GARIN5B: variants seen among roughly 807,000 people sequenced by gnomAD.
The protein encoded by GARIN5B is Golgi-associated RAB2 interactor protein 5B.
At chr19:55,361,511 C>G in the GARIN5B span, 1 of 1,392,006 alleles carries the variant, frequency 7.2e-7, no homozygotes, top group Non-Finnish European at 9.5e-7. Flanking sequence ...GCCTAGGCCC[C>G]CTCCTGCTCC....
chr19:55,357,921 G>T, the GARIN5B span, among the ~76,000 whole-genome samples: 1 of 152,140 alleles, frequency 6.6e-6, no homozygotes, highest in African/African-American at 2.4e-5. Flanking sequence ...GGGCGTGGTG[G>T]CACACGCCTG....
the GARIN5B span, among the ~76,000 whole-genome samples, chr19:55,356,909 G>A: frequency 6.6e-6 from 1 of 152,034 alleles, no homozygotes; most frequent in Admixed American, 6.6e-5. Context: ...AAATCAGCCG[G>A]GCGTGGTGGT....
the GARIN5B span, chr19:55,359,384 A>C: frequency 2.0e-4 from 304 of 1,549,294 alleles, 2 homozygotes; most frequent in Middle Eastern, 2.4e-3. Flanking sequence ...TGGGGCAGGT[A>C]CGGCTGAGGC....
At chr19:55,361,569 GC>G in the GARIN5B span, 5 of 830,508 alleles carry the variant, frequency 6.0e-6, no homozygotes, top group Non-Finnish European at 8.8e-6. Flanking sequence ...AGGAGTCCAG[GC>G]CCCCAGCCGC....
At chr19:55,359,413 C>T in the GARIN5B span, 18 of 1,547,138 alleles carry the variant, frequency 1.2e-5, no homozygotes, top group East Asian at 9.8e-5. Flanking sequence ...GAGAAGCTGA[C>T]GCAGCTGAGG....
the GARIN5B span, chr19:55,362,897 G>A: frequency 6.7e-7 from 1 of 1,489,848 alleles, no homozygotes; most frequent in Non-Finnish European, 8.9e-7. Flanking sequence ...CTCAGCCCCG[G>A]GGCACTGGGA....
the GARIN5B span, among the ~76,000 whole-genome samples, chr19:55,357,940 G>T: frequency 9.2e-5 from 14 of 151,980 alleles, no homozygotes; most frequent in African/African-American, 3.4e-4. Context: ...TGTAATCCCA[G>T]CTACTCAGGA....
chr19:55,361,010 C>A, the GARIN5B span: 1 of 1,550,982 alleles, frequency 6.4e-7, no homozygotes, highest in South Asian at 1.2e-5. Context: ...TTCTTTTCTG[C>A]AGGTTTCTTC....
At chr19:55,361,505 A>G in the GARIN5B span, 1 of 1,418,102 alleles carries the variant, frequency 7.1e-7, no homozygotes, top group Middle Eastern at 2.2e-4. Context: ...CGAGAGGCCT[A>G]GGCCCCCTCC....
the GARIN5B span, chr19:55,362,672 C>CGCCCA: frequency 6.5e-7 from 1 of 1,545,748 alleles, no homozygotes. Context: ...GAGGCGGCCA[C>CGCCCA]GCCCATGGCC....
the GARIN5B span, chr19:55,360,582 A>T: frequency 3.1e-6 from 4 of 1,274,692 alleles, no homozygotes; most frequent in South Asian, 6.3e-5. Flanking sequence ...CCTCCCTCAG[A>T]CCCAGGAGTC....
the GARIN5B span, chr19:55,363,173 G>T: frequency 8.3e-7 from 1 of 1,211,664 alleles, no homozygotes; most frequent in South Asian, 1.9e-5. This position sits in a 1 kb window ranked among gnomAD's most constrained non-coding sequence, Gnocchi z 4.0. Flanking sequence ...CGGGTGCCTG[G>T]AGCTCAGCGT....
At chr19:55,362,114 C>A in the GARIN5B span, 1 of 1,267,356 alleles carries the variant, frequency 7.9e-7, no homozygotes, top group South Asian at 1.7e-5. Context: ...AGGCCCCCAG[C>A]CCCTCCTCCC....
the GARIN5B span, chr19:55,359,748 G>A: frequency 1.3e-6 from 2 of 1,551,336 alleles, no homozygotes; most frequent in South Asian, 1.2e-5. Context: ...GAAGAGTAGG[G>A]TGTGGAGAGG....
At chr19:55,358,646 C>T in the GARIN5B span, 35 of 1,551,288 alleles carry the variant, frequency 2.3e-5, no homozygotes, top group Admixed American at 2.0e-4. Context: ...CTGGCCGGGG[C>T]GGGAGGGCAC....
the GARIN5B span, chr19:55,360,103 T>G: frequency 1.5e-6 from 1 of 653,794 alleles, no homozygotes; most frequent in Non-Finnish European, 2.5e-6. Flanking sequence ...CCCTCCTCCC[T>G]CAGACTCAGG....
chr19:55,360,889 G>A, the GARIN5B span: 42 of 1,544,146 alleles, frequency 2.7e-5, no homozygotes, highest in Middle Eastern at 1.7e-4. Flanking sequence ...CTGTCGGGGC[G>A]GGGGTCTGAG....
the GARIN5B span, chr19:55,362,952 G>A: frequency 1.7e-5 from 26 of 1,503,818 alleles, no homozygotes; most frequent in East Asian, 1.7e-4. Context: ...GGCAGCGGAC[G>A]GAGGGGCAGG....
chr19:55,358,796 A>G, the GARIN5B span: 1 of 1,549,260 alleles, frequency 6.5e-7, no homozygotes, highest in Non-Finnish European at 8.7e-7. Context: ...TTCCACAGAG[A>G]AGGGCCTGCT....
Sources: allele counts gnomAD v4.1 joint callset (sites outside exome capture counted in the v4.1 genomes callset), GRCh38; gene constraint gnomAD v4.1.1; non-coding constraint Gnocchi (gnomAD v3.1); transcripts MANE v1.5; gene names NCBI Gene and HGNC (gene_info 2026-07-23, HGNC 2026-07-21).